RORB: variants seen among roughly 807,000 people sequenced by gnomAD.
RORB encodes nuclear receptor ROR-beta.
A neutral mutation model predicts 59.1 loss-of-function variants in RORB; 6 were observed. The observed-to-expected ratio is 0.10, with a 90% CI of 0.06 to 0.20. The LOEUF is 0.20. RORB is among the 10% of genes least tolerant of loss of function. The pLI, the probability that RORB is intolerant of heterozygous loss-of-function variation, is 1.00. For missense variants in RORB, 320 were observed against 560.5 expected (o/e 0.57, Z 4.33); for synonymous variants, 215 against 204.5 (o/e 1.05, Z -0.44).
At chr9:74,660,508 T>C in intron 4 of RORB, 109 bp from the exon 5 acceptor site, 1 of 916,526 alleles carries the variant, frequency 1.1e-6, no homozygotes, top group Non-Finnish European at 1.6e-6. Flanking sequence ...AAAGACACTT[T>C]AATACAATAG....
intron 8 of RORB, among the ~76,000 whole-genome samples, chr9:74,668,134 T>C (rs964292374): frequency 6.6e-6 from 1 of 152,198 alleles, no homozygotes; most frequent in Non-Finnish European, 1.5e-5. Flanking sequence ...TTATTCCAGA[T>C]TCAGATACGC....
chr9:74,675,760 T>G (rs1407925504), intron 9 of RORB, among the ~76,000 whole-genome samples: 1 of 152,310 alleles, frequency 6.6e-6, no homozygotes, highest in Non-Finnish European at 1.5e-5. Context: ...AGGAGCTCCA[T>G]GACTTGTGCT....
At chr9:74,535,726 G>A (rs575324806) in intron 1 of RORB, among the ~76,000 whole-genome samples, 2 of 151,994 alleles carry the variant, frequency 1.3e-5, no homozygotes, top group East Asian at 3.9e-4. Flanking sequence ...TACTTCCCAT[G>A]AGCTATCCAA....
intron 1 of RORB, among the ~76,000 whole-genome samples, chr9:74,527,006 T>A (rs2118086398): frequency 6.6e-6 from 1 of 152,008 alleles, no homozygotes; most frequent in South Asian, 2.1e-4. Context: ...GTGCCAATAT[T>A]ATATGTTGAT....
intron 1 of RORB, among the ~76,000 whole-genome samples, chr9:74,535,581 A>C (rs1342203849): frequency 6.6e-6 from 1 of 151,980 alleles, no homozygotes; most frequent in African/African-American, 2.4e-5. Context: ...TCAATTTAAG[A>C]ACTTTGAGAA....
chr9:74,552,618 G>C (rs1826629444), intron 1 of RORB, among the ~76,000 whole-genome samples: 1 of 151,724 alleles, frequency 6.6e-6, no homozygotes, highest in African/African-American at 2.4e-5. Context: ...GAGCAAAAGG[G>C]CTTCTTTTGC....
chr9:74,616,468 A>C (rs796111022), intron 1 of RORB, among the ~76,000 whole-genome samples: 1 of 152,218 alleles, frequency 6.6e-6, no homozygotes, highest in Non-Finnish European at 1.5e-5. Context: ...TAGGAAAAAA[A>C]GTAGATACTG....
intron 4 of RORB, among the ~76,000 whole-genome samples, chr9:74,651,426 T>C (rs2118486737): frequency 6.6e-6 from 1 of 152,166 alleles, no homozygotes; most frequent in Admixed American, 6.5e-5. Flanking sequence ...TCCCAGCTTC[T>C]TGGGAGGCTG....
intron 9 of RORB, among the ~76,000 whole-genome samples, chr9:74,681,866 T>G (rs1331449357): frequency 1.3e-5 from 2 of 152,230 alleles, no homozygotes; most frequent in Non-Finnish European, 2.9e-5. Context: ...AATAAGCAAC[T>G]TACTTGAATT....
chr9:74,603,019 G>T (rs191773585), intron 1 of RORB, among the ~76,000 whole-genome samples: 122 of 152,172 alleles, frequency 8.0e-4, no homozygotes, highest in Non-Finnish European at 1.3e-3. Context: ...ATTTATTGCC[G>T]AATTAATCAG....
intron 1 of RORB, among the ~76,000 whole-genome samples, chr9:74,566,566 G>A (rs1351327554): frequency 6.6e-6 from 1 of 152,142 alleles, no homozygotes; most frequent in African/African-American, 2.4e-5. Context: ...GGAAGCCGAG[G>A]TGGGTGGATC....
At position 74,545,738 on chromosome 9, in the gene RORB, G is replaced by A. The variant is rs111349490; in HGVS notation, c.7+47755G>A. Among the ~76,000 whole-genome samples the A allele has an allele frequency of 3.3e-3, 505 of 152,162 alleles. 2 individuals carry two copies. The highest frequency in any genetic ancestry group is 0.012 in the African/African-American group (479 of 41,528). On this transcript the variant is annotated intron_variant, in intron 1 of 9. Coordinates refer to ENST00000376896, the MANE Select transcript of RORB (RefSeq NM_006914.4). ...CTTCAAACAGTCTTTTTGGAGACTT[G>A]CAGTGCTCCTTAGAATATTAACCTG...
chr9:74,547,174 G>A (rs752284947), intron 1 of RORB, among the ~76,000 whole-genome samples: 37 of 152,088 alleles, frequency 2.4e-4, no homozygotes, highest in Non-Finnish European at 5.0e-4. Flanking sequence ...TTGCTGGAGA[G>A]AATTAAAACT....
chr9:74,650,083 T>C (rs2118483301), intron 4 of RORB, among the ~76,000 whole-genome samples: 1 of 152,264 alleles, frequency 6.6e-6, no homozygotes, highest in Non-Finnish European at 1.5e-5. Flanking sequence ...GCCATAGTAA[T>C]TATAAAATAT....
At chr9:74,589,205 TAGAC>T (rs1372416792) in intron 1 of RORB, among the ~76,000 whole-genome samples, 3 of 152,154 alleles carry the variant, frequency 2.0e-5, no homozygotes, top group Non-Finnish European at 4.4e-5. Flanking sequence ...ATTTTGCAAA[TAGAC>T]AGGAAAGACA....
intron 1 of RORB, among the ~76,000 whole-genome samples, chr9:74,532,056 T>C (rs978281708): frequency 2.0e-5 from 3 of 151,980 alleles, no homozygotes; most frequent in Admixed American, 1.3e-4. Context: ...AAAGAACATA[T>C]AATGCTGTGG....
At chr9:74,614,515 A>G (rs944163545) in intron 1 of RORB, among the ~76,000 whole-genome samples, 22 of 152,148 alleles carry the variant, frequency 1.4e-4, no homozygotes, top group African/African-American at 5.3e-4. Context: ...TTATTCCACT[A>G]TAGTAACCAT....
intron 6 of RORB, among the ~76,000 whole-genome samples, chr9:74,664,290 A>T (rs1158001593): frequency 2.0e-5 from 3 of 152,196 alleles, no homozygotes; most frequent in Admixed American, 2.0e-4. Flanking sequence ...CTGGAGGGGA[A>T]CCCAGTTCAT....
chr9:74,591,607 C>T lies in RORB; in HGVS notation c.8-38675C>T, dbSNP rs1375872769. Among the ~76,000 whole-genome samples, 4 of 152,228 alleles carry T rather than the reference C, an allele frequency of 2.6e-5. No individual in the cohort carries two copies. The East Asian group carries it at 5.8e-4, about 22-fold the overall frequency. On this transcript the variant is annotated intron_variant, in intron 1 of 9. Transcript: ENST00000376896. ...TAGTCTGATTATTTATTTTACTGCC[C>T]TAGTGTGATATGATTGAGATAATAA...
Sources: gnomAD v4.1 joint callset for allele counts (sites outside exome capture counted in the v4.1 genomes callset) on GRCh38, gnomAD v4.1.1 for gene constraint, MANE v1.5 for transcripts, NCBI Gene and HGNC (gene_info 2026-07-23, HGNC 2026-07-21) for gene names.